The following MAPKAPK2 variants were observed in gnomAD, a reference collection of about 807,000 sequenced individuals.
The protein encoded by MAPKAPK2 is MAPK activated protein kinase 2.
MAPKAPK2 carries 9 observed loss-of-function variants against 48.8 expected under a neutral mutation model. That is an observed-to-expected ratio of 0.18 (90% CI 0.11 to 0.32). The LOEUF (loss-of-function observed/expected upper bound fraction) is 0.32. Among genes scored for constraint, MAPKAPK2 ranks in the 10% least tolerant of loss-of-function variants. MAPKAPK2 has a pLI of 1.00. For synonymous variants in MAPKAPK2, 202 were observed against 190.6 expected, an observed-to-expected ratio of 1.06 and a Z score of -0.49; for missense variants, 331 against 498.3, an observed-to-expected ratio of 0.66 and a Z score of 3.20.
intron 1 of MAPKAPK2, among the ~76,000 whole-genome samples, chr1:206,690,282 C>A (rs1672417342): frequency 6.6e-6 from 1 of 152,230 alleles, no homozygotes; most frequent in Non-Finnish European, 1.5e-5. Flanking sequence ...CCAGCCCTGA[C>A]CCCTGGCTCC....
intron 1 of MAPKAPK2, among the ~76,000 whole-genome samples, chr1:206,705,953 G>T (rs141775028): frequency 1.4e-3 from 216 of 152,222 alleles, no homozygotes; most frequent in Middle Eastern, 3.4e-3. Context: ...CCTGTTGCAG[G>T]CCTCAACACC....
At chr1:206,693,534 T>C (rs1672519330) in intron 1 of MAPKAPK2, among the ~76,000 whole-genome samples, 2 of 151,734 alleles carry the variant, frequency 1.3e-5, no homozygotes, top group Non-Finnish European at 2.9e-5. Context: ...AAAAGGAGAG[T>C]GACCAAGCTC....
In MAPKAPK2 at chr1:206,732,335, A is replaced by G; in HGVS notation, c.1060-240A>G. 6.9e-7 allele frequency: 1 copy of G among 1,443,328 alleles called. No individual in the cohort carries two copies. Among genetic ancestry groups the G allele is most frequent in the Non-Finnish European group, 9.1e-7 (1 of 1,102,288 alleles). The allele number at this position is 1,443,328 out of a possible 1,614,324, so 89.4% of individuals were successfully genotyped here. On this transcript the variant is annotated intron_variant, in intron 9 of 9. Coordinates refer to ENST00000367103, the MANE Select transcript of MAPKAPK2 (RefSeq NM_032960.4). The surrounding 1 kb of genome is among the most constrained non-coding windows in gnomAD (Gnocchi z 4.4). ...TCTCTTCCTCCTATCCTGCGGGATC[A>G]CTGGGGGGCTCTCAGGGAACAGCAG...
Position 206,732,538 on chromosome 1 carries a change from T to C in MAPKAPK2, c.1060-37T>C. 1 of 1,607,490 alleles carries C rather than the reference T, an allele frequency of 6.2e-7. No homozygotes were observed. The highest frequency in any genetic ancestry group is 2.2e-5 in the East Asian group (1 of 44,754). ...CTGTCTCTCCTACCTGTCTTCTGGC[T>C]CTCTCTGTACCCTTCCTGGTGCTGC... On this transcript the variant is annotated intron_variant, in intron 9 of 9. Coordinates refer to ENST00000367103, the MANE Select transcript of MAPKAPK2 (RefSeq NM_032960.4). The surrounding 1 kb of genome is among the most constrained non-coding windows in gnomAD (Gnocchi z 4.4).
chr1:206,722,027 T>C (rs1379881015), intron 1 of MAPKAPK2, among the ~76,000 whole-genome samples: 4 of 149,208 alleles, frequency 2.7e-5, no homozygotes, highest in Non-Finnish European at 4.4e-5. Context: ...ATCGCACCAT[T>C]GCACTCCAGC....
chr1:206,733,007 G>T lies in MAPKAPK2; in HGVS notation c.*289G>T. 1 of 376,808 alleles carries T rather than the reference G, an allele frequency of 2.7e-6. No homozygotes were observed. 23.3% of individuals were successfully genotyped at this position (376,808 alleles called of 1,614,324 possible). ...TTAGAGTTTTTACGAAACCTCTTTT[G>T]TTGTCCTTGCCCCACTCCTCTCCAC... On this transcript the variant is annotated 3_prime_UTR_variant, in exon 10 of 10. Transcript: ENST00000367103.
Position 206,685,241 on chromosome 1 carries a change from C to T in MAPKAPK2, c.12C>T (p.Asn4=). The T allele has an allele frequency of 1.8e-6, 1 of 568,494 alleles. No homozygotes were observed. Among genetic ancestry groups the T allele is most frequent in the Non-Finnish European group, 2.7e-6 (1 of 375,536 alleles). 35.2% of individuals were successfully genotyped at this position (568,494 alleles called of 1,614,324 possible). The change falls in exon 1 of 10, where the codon AAC becomes AAT. Residue 4 remains asparagine (N), a synonymous_variant. Coordinates refer to ENST00000367103, the MANE Select transcript of MAPKAPK2 (RefSeq NM_032960.4). The stretch of plus-strand genomic sequence containing the variant: ...CGTCCCCGGGCACCATGCTGTCCAA[C>T]TCCCAGGGCCAGAGCCCGCCGGTGC... The part of the protein sequence containing the change: MLS[N]SQGQSPPVPF...
chr1:206,723,944 C>G (rs1553431575), intron 1 of MAPKAPK2, among the ~76,000 whole-genome samples: 1 of 152,246 alleles, frequency 6.6e-6, no homozygotes, highest in Non-Finnish European at 1.5e-5. Flanking sequence ...TGAGCACACG[C>G]AATCATTAAC....
chr1:206,724,331 C>T (rs1673638718), intron 1 of MAPKAPK2, among the ~76,000 whole-genome samples: 1 of 152,198 alleles, frequency 6.6e-6, no homozygotes, highest in Non-Finnish European at 1.5e-5. Context: ...TTTACTTAGC[C>T]CTGTACTCCA....
intron 1 of MAPKAPK2, among the ~76,000 whole-genome samples, chr1:206,728,280 G>A (rs1553432093): frequency 6.6e-6 from 1 of 152,130 alleles, no homozygotes; most frequent in Non-Finnish European, 1.5e-5. Flanking sequence ...TAATTGCTGA[G>A]GGGCCTTTTC....
rs1553425449 is a variant in MAPKAPK2, at chr1:206,685,502, C to T, written c.273C>T (p.Ala91=). 6.5e-7 allele frequency: 1 copy of T among 1,527,726 alleles called. No homozygotes were observed. Among genetic ancestry groups the T allele is most frequent in the South Asian group, 1.2e-5 (1 of 86,282 alleles). The allele number at this position is 1,527,726 out of a possible 1,614,324, so 94.6% of individuals were successfully genotyped here. A position where few individuals can be genotyped will look rare whatever the true frequency, so the allele number is the denominator to read the frequency against. The change falls in exon 1 of 10, where the codon GCC becomes GCT. Residue 91 remains alanine, a synonymous_variant. Transcript: ENST00000367103. ...IFNKRTQEKF[A]LKMLQDCPKA... ...ACAAGAGGACCCAGGAGAAATTCGC[C>T]CTCAAAGTAGGTCTGGGGCCCGGGG...
chr1:206,728,099 G>A (rs1421305887), intron 1 of MAPKAPK2, among the ~76,000 whole-genome samples: 4 of 152,158 alleles, frequency 2.6e-5, no homozygotes, highest in Admixed American at 2.6e-4. Context: ...GGGAGAAGAA[G>A]GGGCATCAGT....
At chr1:206,692,814 C>A (rs1373952384) in intron 1 of MAPKAPK2, among the ~76,000 whole-genome samples, 1 of 152,224 alleles carries the variant, frequency 6.6e-6, no homozygotes, top group African/African-American at 2.4e-5. Flanking sequence ...TGGCCAGTGT[C>A]CATCCAGGAC....
At chr1:206,726,009 T>C (rs143754260) in intron 1 of MAPKAPK2, among the ~76,000 whole-genome samples, 3 of 152,340 alleles carry the variant, frequency 2.0e-5, no homozygotes, top group Non-Finnish European at 4.4e-5. Context: ...GATTGAATTA[T>C]ATACAAAGGA....
intron 1 of MAPKAPK2, among the ~76,000 whole-genome samples, chr1:206,701,671 A>C (rs1672798225): frequency 6.6e-6 from 1 of 151,814 alleles, no homozygotes; most frequent in Admixed American, 6.6e-5. Context: ...CTGTCTCTAC[A>C]AAAAATACAA....
intron 1 of MAPKAPK2, among the ~76,000 whole-genome samples, chr1:206,726,953 GT>G (rs1394543014): frequency 6.6e-6 from 1 of 152,076 alleles, no homozygotes; most frequent in Non-Finnish European, 1.5e-5. Context: ...CCTCCCTGCT[GT>G]ATCACCCCAG....
chr1:206,687,997 C>G (rs998091925), intron 1 of MAPKAPK2, among the ~76,000 whole-genome samples: 1 of 152,206 alleles, frequency 6.6e-6, no homozygotes, highest in Non-Finnish European at 1.5e-5. Flanking sequence ...TGCCTATAGT[C>G]GGTGACCTCT....
intron 1 of MAPKAPK2, among the ~76,000 whole-genome samples, chr1:206,706,498 T>C (rs933232273): frequency 6.6e-5 from 10 of 152,170 alleles, no homozygotes; most frequent in African/African-American, 1.9e-4. Flanking sequence ...ACTTGCAGAC[T>C]CCCAGGCTCC....
At position 206,732,335 on chromosome 1, in the gene MAPKAPK2, A is replaced by C. The variant is rs1259254106; in HGVS notation, c.1060-240A>C. 2 of 1,443,210 alleles carry C rather than the reference A, an allele frequency of 1.4e-6. No individual in the cohort carries two copies. Among genetic ancestry groups the C allele is most frequent in the Non-Finnish European group, 1.8e-6 (2 of 1,102,296 alleles). The allele number at this position is 1,443,210 out of a possible 1,614,324, so 89.4% of individuals were successfully genotyped here. On this transcript the variant is annotated intron_variant, in intron 9 of 9. Transcript: ENST00000367103. The surrounding 1 kb of genome is among the most constrained non-coding windows in gnomAD (Gnocchi z 4.4). ...TCTCTTCCTCCTATCCTGCGGGATC[A>C]CTGGGGGGCTCTCAGGGAACAGCAG...
Sources: allele counts gnomAD v4.1 joint callset (sites outside exome capture counted in the v4.1 genomes callset), GRCh38; gene constraint gnomAD v4.1.1; non-coding constraint Gnocchi (gnomAD v3.1); transcripts MANE v1.5; gene names NCBI Gene and HGNC (gene_info 2026-07-23, HGNC 2026-07-21).